The following SLC25A16 variants were observed in gnomAD, a reference collection of about 807,000 sequenced individuals.
SLC25A16 encodes mitochondrial coenzyme A transporter SLC25A16.
SLC25A16 carries 39 observed loss-of-function variants against 41.5 expected under a neutral mutation model. That is an observed-to-expected ratio of 0.94 (90% CI 0.73 to 1.23). The LOEUF is 1.23. Ranked by LOEUF, SLC25A16 falls within the 50% of genes most tolerant of loss-of-function variation. The pLI, the probability that SLC25A16 is intolerant of heterozygous loss-of-function variation, is 0.00. For missense variants in SLC25A16, 421 were observed against 426.9 expected (o/e 0.99, Z 0.12); for synonymous variants, 146 against 147.8 (o/e 0.99, Z 0.09).
At chr10:68,490,568 C>G (rs1344153837) in intron 6 of SLC25A16, among the ~76,000 whole-genome samples, 1 of 151,874 alleles carries the variant, frequency 6.6e-6, no homozygotes, top group East Asian at 1.9e-4. Flanking sequence ...GTCTCAAACT[C>G]CTGACCTCAT....
chr10:68,504,206 G>A lies in SLC25A16; in HGVS notation c.358-511C>T, dbSNP rs977313367. Among the ~76,000 whole-genome samples, 8 of 151,300 alleles carry A rather than the reference G, an allele frequency of 5.3e-5. No homozygotes were observed. The South Asian group carries it at 6.3e-4, about 12-fold the overall frequency. On this transcript the variant is annotated intron_variant, in intron 3 of 8. Coordinates refer to ENST00000609923, the MANE Select transcript of SLC25A16 (RefSeq NM_152707.4). The stretch of plus-strand genomic sequence containing the variant: ...TAATTTTTTATTTTTTAGTAGAGAC[G>A]GGGTTTCACCACATTGGTCAGGCTG...
chr10:68,521,662 C>T (rs1427530341), intron 1 of SLC25A16, among the ~76,000 whole-genome samples: 2 of 144,368 alleles, frequency 1.4e-5, no homozygotes, highest in East Asian at 2.1e-4. Context: ...GGCGGGATCT[C>T]GGCTCACTGC....
At chr10:68,509,076 G>A (rs2053009193) in intron 2 of SLC25A16, among the ~76,000 whole-genome samples, 1 of 152,166 alleles carries the variant, frequency 6.6e-6, no homozygotes, top group Admixed American at 6.6e-5. Context: ...GGTGGTTCAT[G>A]TCTTTATTCC....
In SLC25A16 at chr10:68,479,367, T is replaced by C. The variant is rs2052460006; in HGVS notation, c.*4065A>G. The C allele has an allele frequency of 1.3e-5, 2 of 152,104 alleles. No individual in the cohort carries two copies. The highest frequency in any genetic ancestry group is 1.5e-5 in the Non-Finnish European group (1 of 68,026). The allele number at this position is 152,104 out of a possible 1,614,324, so 9.4% of individuals were successfully genotyped here. On this transcript the variant is annotated 3_prime_UTR_variant, in exon 9 of 9. Coordinates refer to ENST00000609923, the MANE Select transcript of SLC25A16 (RefSeq NM_152707.4). ...TGTGGCACATACTCTATTAGAGAAA[T>C]ACCTGGTGTTATATGCTGATTTGGG...
intron 8 of SLC25A16, 24 bp from the exon 9 acceptor site, chr10:68,483,612 G>T (rs372385482): frequency 7.8e-5 from 122 of 1,566,058 alleles, no homozygotes; most frequent in Admixed American, 3.8e-5. Context: ...ATTAAATGAT[G>T]ACCTCTATGC....
At position 68,482,297 on chromosome 10, in the gene SLC25A16, A is replaced by G. The variant is rs2052492211; in HGVS notation, c.*1135T>C. ...AACTTTAAATATTCCCTTCCCATTT[A>G]TGACACGCTTATAATAAATCATAAA... On this transcript the variant is annotated 3_prime_UTR_variant, in exon 9 of 9. Coordinates refer to ENST00000609923, the MANE Select transcript of SLC25A16 (RefSeq NM_152707.4). 1 of 152,276 alleles carries G rather than the reference A, an allele frequency of 6.6e-6. No homozygotes were observed. Among genetic ancestry groups the G allele is most frequent in the Admixed American group, 6.6e-5 (1 of 15,228 alleles). 9.4% of individuals were successfully genotyped at this position (152,276 alleles called of 1,614,324 possible).
At chr10:68,499,754 A>G in intron 4 of SLC25A16, 1 of 399,196 alleles carries the variant, frequency 2.5e-6, no homozygotes, top group South Asian at 2.6e-5. Flanking sequence ...GTCCAGGCTT[A>G]CAGGAAGAAA....
intron 4 of SLC25A16, among the ~76,000 whole-genome samples, chr10:68,498,323 C>CTT (rs55736260): frequency 0.059 from 8,317 of 140,258 alleles, 306 homozygotes; most frequent in African/African-American, 0.11. Flanking sequence ...TTAACTTTTT[C>CTT]TTTTTTTTTT....
chr10:68,496,186 C>T (rs2052747782), intron 4 of SLC25A16, among the ~76,000 whole-genome samples: 1 of 152,144 alleles, frequency 6.6e-6, no homozygotes, highest in Non-Finnish European at 1.5e-5. Context: ...AAGGGAAGCA[C>T]AATCAGAGAA....
At chr10:68,485,235 G>A (rs2052539519) in intron 8 of SLC25A16, among the ~76,000 whole-genome samples, 3 of 151,840 alleles carry the variant, frequency 2.0e-5, no homozygotes, top group South Asian at 2.1e-4. Flanking sequence ...GACTACAGGC[G>A]CACACCGCCA....
intron 3 of SLC25A16, among the ~76,000 whole-genome samples, chr10:68,505,002 A>C (rs1374228655): frequency 2.0e-5 from 3 of 152,126 alleles, no homozygotes; most frequent in Admixed American, 1.3e-4. Context: ...TTGTTTAATA[A>C]GAAAATCCAA....
In SLC25A16 at chr10:68,482,772, A is replaced by C. The variant is rs2052499073; in HGVS notation, c.*660T>G. 6.6e-6 allele frequency: 1 copy of C among 152,172 alleles called. No homozygotes were observed. The highest frequency in any genetic ancestry group is 2.1e-4 in the South Asian group (1 of 4,830). 9.4% of individuals were successfully genotyped at this position (152,172 alleles called of 1,614,324 possible). A position where few individuals can be genotyped will look rare whatever the true frequency, so the allele number is the denominator to read the frequency against. On this transcript the variant is annotated 3_prime_UTR_variant, in exon 9 of 9. Coordinates refer to ENST00000609923, the MANE Select transcript of SLC25A16 (RefSeq NM_152707.4). ...AGGCTGGCATGGAATTCCAGGGCTC[A>C]AGTGATCCTCTCACCTCAGCTTCCA...
chr10:68,483,680 G>T, intron 8 of SLC25A16, 92 bp from the exon 9 acceptor site: 1 of 1,096,984 alleles, frequency 9.1e-7, no homozygotes, highest in Non-Finnish European at 1.3e-6. Context: ...TTTTGAGATG[G>T]ACTCTTGCTC....
At chr10:68,488,816 G>A (rs972210568) in intron 6 of SLC25A16, among the ~76,000 whole-genome samples, 187 bp from the exon 7 acceptor site, 9 of 152,030 alleles carry the variant, frequency 5.9e-5, no homozygotes, top group African/African-American at 2.2e-4. Context: ...TATAGCTTTG[G>A]TTTTCATGCA....
intron 4 of SLC25A16, among the ~76,000 whole-genome samples, chr10:68,495,613 G>T (rs2052737249): frequency 6.6e-6 from 1 of 151,500 alleles, no homozygotes; most frequent in Non-Finnish European, 1.5e-5. Flanking sequence ...GTGAAACCCT[G>T]TCTCTACTAA....
intron 4 of SLC25A16, among the ~76,000 whole-genome samples, chr10:68,495,879 A>G (rs1467795107): frequency 2.0e-5 from 3 of 151,520 alleles, no homozygotes; most frequent in Non-Finnish European, 2.9e-5. Flanking sequence ...TATGACCCTG[A>G]TCAAGTTACT....
intron 6 of SLC25A16, among the ~76,000 whole-genome samples, chr10:68,492,336 G>C (rs1335432752): frequency 1.3e-5 from 2 of 152,124 alleles, no homozygotes; most frequent in African/African-American, 4.8e-5. Context: ...CTATTTTTAT[G>C]AAATGAAGTA....
At chr10:68,508,479 CGAG>C (rs2052997737) in intron 2 of SLC25A16, among the ~76,000 whole-genome samples, 1 of 150,278 alleles carries the variant, frequency 6.7e-6, no homozygotes, top group Admixed American at 6.7e-5. Flanking sequence ...TTTGGGAGGC[CGAG>C]GAGGGTGGAT....
At chr10:68,513,034 C>A (rs1040868310) in intron 2 of SLC25A16, among the ~76,000 whole-genome samples, 1 of 151,914 alleles carries the variant, frequency 6.6e-6, no homozygotes, top group Non-Finnish European at 1.5e-5. Context: ...AGAGAGACTC[C>A]GTCTGATAAA....
Sources: allele counts gnomAD v4.1 joint callset (sites outside exome capture counted in the v4.1 genomes callset), GRCh38; gene constraint gnomAD v4.1.1; transcripts MANE v1.5; gene names NCBI Gene and HGNC (gene_info 2026-07-23, HGNC 2026-07-21).